The following RYR2 variants were observed in gnomAD, a reference collection of about 807,000 sequenced individuals.
RYR2 encodes the protein ryanodine receptor 2.
Under a neutral mutation model 601.1 loss-of-function variants are expected in RYR2, and 227 were observed. The ratio of observed to expected loss-of-function variants is 0.38; its 90% CI spans 0.34 to 0.42. The LOEUF is 0.42. Ranked by LOEUF, RYR2 falls within the 10% of genes least tolerant of loss-of-function variation. The probability of loss-of-function intolerance (pLI) is 1.00; values close to 1 mark genes in which losing one functional copy is unlikely to be tolerated. For missense variants in RYR2, 4,646 were observed against 6,156.5 expected (o/e 0.75, Z 8.21); for synonymous variants, 2,223 against 2,175.1 (o/e 1.02, Z -0.61).
rs758787482 is a variant in RYR2 at position 237,791,428 on chromosome 1, G to C, written c.13477-1G>C. On this transcript the variant is annotated splice_acceptor_variant, in intron 92 of 104. Coordinates refer to ENST00000366574, the MANE Select transcript of RYR2 (RefSeq NM_001035.3). LOFTEE classifies it high-confidence loss of function. ...CTTTTCATAATGTTTTTCACCCTCA[G>C]AACTATTTTGCTCGCAACTTTTACA... The C allele has an allele frequency of 6.5e-7, 1 of 1,541,140 alleles. No homozygotes were observed. The highest frequency in any genetic ancestry group is 1.2e-5 in the South Asian group (1 of 85,490).
rs762600987 is a variant in RYR2 at position 237,727,225 on chromosome 1, T to C, written c.10838+26T>C. 7 of 1,123,664 alleles carry C rather than the reference T, an allele frequency of 6.2e-6. No homozygotes were observed. The Admixed American group carries it at 1.6e-4, about 25-fold the overall frequency. The allele number at this position is 1,123,664 out of a possible 1,614,324, so 69.6% of individuals were successfully genotyped here. The stretch of plus-strand genomic sequence containing the variant: ...GTCGGAATTACTTTATTTTTTGTAA[T>C]AGATCAATGTTATTTTTTCCTAGTA... On this transcript the variant is annotated intron_variant, in intron 76 of 104. Transcript: ENST00000366574.
intron 75 of RYR2, among the ~76,000 whole-genome samples, 175 bp downstream of exon 75, chr1:237,726,483 T>C (rs947952736): frequency 6.6e-6 from 1 of 152,142 alleles, no homozygotes; most frequent in Non-Finnish European, 1.5e-5. Context: ...TATTTGTCCC[T>C]ATCTAACAAA....
intron 27 of RYR2, among the ~76,000 whole-genome samples, chr1:237,556,279 ATATTATTAT>A (rs57036969): frequency 0.013 from 1,840 of 142,876 alleles, 37 homozygotes; most frequent in African/African-American, 0.042. Flanking sequence ...ATTTTTTAAA[ATATTATTAT>A]TATTATTATT....
At chr1:237,637,091 G>A (rs1017960142) in intron 44 of RYR2, among the ~76,000 whole-genome samples, 7 of 152,132 alleles carry the variant, frequency 4.6e-5, no homozygotes, top group African/African-American at 1.4e-4. Context: ...CATGTTCTGC[G>A]TCTTGATTAT....
rs370806002 is a variant in RYR2, at chr1:237,208,964, A to G, written c.49-61533A>G. On this transcript the variant is annotated intron_variant, in intron 1 of 104. Coordinates refer to ENST00000366574, the MANE Select transcript of RYR2 (RefSeq NM_001035.3). ...TATATATATATATATATATATATATATATATATATATATATATATATGTAT... is the reference window on the plus strand; with the variant it reads ...TATATATATATATATATATATATATGTATATATATATATATATATATGTAT... Among the ~76,000 whole-genome samples the G allele has an allele frequency of 1.3e-3, 140 of 104,584 alleles. 3 individuals are homozygous for G. The East Asian group carries it at 0.017, about 13-fold the overall frequency. 68.6% of individuals were successfully genotyped at this position (104,584 alleles called of 152,430 possible).
intron 2 of RYR2, among the ~76,000 whole-genome samples, chr1:237,325,326 A>G (rs1247566212): frequency 1.3e-5 from 2 of 152,248 alleles, no homozygotes; most frequent in East Asian, 1.9e-4. Context: ...GCTAATCTAT[A>G]TATTTCTACA....
chr1:237,734,507 G>T (rs764152925), intron 79 of RYR2, among the ~76,000 whole-genome samples: 3 of 152,200 alleles, frequency 2.0e-5, no homozygotes, highest in Non-Finnish European at 4.4e-5. Flanking sequence ...AAACTCTTAG[G>T]AGTATTGGGA....
chr1:237,191,397 GATT>G (rs1462324069), intron 1 of RYR2, among the ~76,000 whole-genome samples: 1 of 148,642 alleles, frequency 6.7e-6, no homozygotes, highest in Non-Finnish European at 1.5e-5. Flanking sequence ...GGTTCCTTGA[GATT>G]GCATTTGAAT....
chr1:237,264,838 G>A (rs1322146108), intron 1 of RYR2, among the ~76,000 whole-genome samples: 1 of 151,074 alleles, frequency 6.6e-6, no homozygotes, highest in African/African-American at 2.4e-5. Flanking sequence ...TGGGATTACA[G>A]GTACCCACCA....
chr1:237,347,603 T>C (rs1246777811), intron 3 of RYR2, among the ~76,000 whole-genome samples: 1 of 152,130 alleles, frequency 6.6e-6, no homozygotes, highest in Non-Finnish European at 1.5e-5. Flanking sequence ...CCAGAAACGA[T>C]GTACTTTTAC....
At chr1:237,474,873 TTGACTGTC>T in intron 17 of RYR2, among the ~76,000 whole-genome samples, 1 of 152,282 alleles carries the variant, frequency 6.6e-6, no homozygotes, top group East Asian at 1.9e-4. Context: ...TCATGTGCTG[TTGACTGTC>T]TGGCTCCTTC....
chr1:237,405,024 A>T (rs1053008326), intron 10 of RYR2, among the ~76,000 whole-genome samples: 1 of 152,190 alleles, frequency 6.6e-6, no homozygotes, highest in Non-Finnish European at 1.5e-5. Context: ...ATTTCAGCCT[A>T]TGAGACCCTG....
At chr1:237,305,210 T>C (rs1289838446) in intron 2 of RYR2, among the ~76,000 whole-genome samples, 1 of 152,138 alleles carries the variant, frequency 6.6e-6, no homozygotes, top group African/African-American at 2.4e-5. Flanking sequence ...TGTTGCAGTA[T>C]TGATGGGAGA....
At chr1:237,315,895 G>A (rs1488294571) in intron 2 of RYR2, among the ~76,000 whole-genome samples, 4 of 152,148 alleles carry the variant, frequency 2.6e-5, no homozygotes, top group African/African-American at 7.2e-5. Flanking sequence ...ATACCAGATA[G>A]GGAGTTTGGA....
rs116568417 is a variant in RYR2 at position 237,614,921 on chromosome 1, T to C, written c.5715+78T>C. On this transcript the variant is annotated intron_variant, in intron 37 of 104. Transcript: ENST00000366574. This position sits in a 1 kb window ranked among gnomAD's most constrained non-coding sequence, Gnocchi z 4.3. ...ATTAGAACATGCCTTTGTTTCTTTC[T>C]CTGTGTGTGTGTTTATTTCTTTGCA... The C allele has an allele frequency of 1.1e-4, 151 of 1,365,372 alleles. 1 individual carries two copies. In the African/African-American group the frequency reaches 2.0e-3, roughly 18 times the overall value. 84.6% of individuals were successfully genotyped at this position (1,365,372 alleles called of 1,614,324 possible).
chr1:237,105,968 G>A (rs1668630555), intron 1 of RYR2, among the ~76,000 whole-genome samples: 1 of 152,118 alleles, frequency 6.6e-6, no homozygotes, highest in Non-Finnish European at 1.5e-5. Flanking sequence ...AGAGGGAGCA[G>A]CCAGTGCCAG....
At chr1:237,242,210 G>T (rs868753022) in intron 1 of RYR2, among the ~76,000 whole-genome samples, 247 of 150,242 alleles carry the variant, frequency 1.6e-3, no homozygotes, top group African/African-American at 5.9e-3. Flanking sequence ...TTGTTTGTTT[G>T]TTTGTTTGTT....
chr1:237,416,945 A>T (rs1024280389), intron 10 of RYR2, 104 bp from the exon 11 acceptor site: 131 of 899,838 alleles, frequency 1.5e-4, no homozygotes, highest in Non-Finnish European at 2.2e-4. Context: ...CTGTTTACTC[A>T]CAGGCCATTT....
intron 16 of RYR2, among the ~76,000 whole-genome samples, chr1:237,460,005 T>G (rs1659290383): frequency 1.3e-5 from 2 of 152,206 alleles, no homozygotes; most frequent in Admixed American, 1.3e-4. Context: ...GAGGGGATTT[T>G]GGGGCTTGCA....
Sources: allele counts gnomAD v4.1 joint callset (sites outside exome capture counted in the v4.1 genomes callset), GRCh38; gene constraint gnomAD v4.1.1; non-coding constraint Gnocchi (gnomAD v3.1); transcripts MANE v1.5; gene names NCBI Gene and HGNC (gene_info 2026-07-23, HGNC 2026-07-21).